NALF1: variants seen among roughly 807,000 people sequenced by gnomAD.
The protein encoded by NALF1 is family with sequence similarity 155 member A.
A neutral mutation model predicts 48.4 loss-of-function variants in NALF1; 3 were observed. That is an observed-to-expected ratio of 0.06 (90% CI 0.03 to 0.16). NALF1 has a LOEUF of 0.16. Among genes scored for constraint, NALF1 ranks in the 10% least tolerant of loss-of-function variants. NALF1 has a pLI of 1.00. For synonymous variants in NALF1, 262 were observed against 245.7 expected (o/e 1.07, Z -0.62); for missense variants, 526 against 571.5 (o/e 0.92, Z 0.81).
At chr13:107,380,774 C>G (rs910256639) in intron 1 of NALF1, among the ~76,000 whole-genome samples, 1 of 151,558 alleles carries the variant, frequency 6.6e-6, no homozygotes. Flanking sequence ...GTCAGGAGAT[C>G]GAGACCATCC....
intron 2 of NALF1, among the ~76,000 whole-genome samples, chr13:107,198,726 G>T (rs1379390644): frequency 1.3e-5 from 2 of 152,172 alleles, no homozygotes; most frequent in African/African-American, 4.8e-5. Flanking sequence ...CATTTCTGGG[G>T]CTAGATGTCC....
At chr13:107,316,940 C>A (rs1431771201) in intron 1 of NALF1, among the ~76,000 whole-genome samples, 1 of 151,902 alleles carries the variant, frequency 6.6e-6, no homozygotes, top group Non-Finnish European at 1.5e-5. Flanking sequence ...GCAATGAACA[C>A]AATAAGCAAT....
chr13:107,531,567 A>G (rs1213645237), intron 1 of NALF1, among the ~76,000 whole-genome samples: 1 of 152,162 alleles, frequency 6.6e-6, no homozygotes, highest in East Asian at 1.9e-4. Flanking sequence ...ATGGTCTAAT[A>G]TAATCAGTGA....
chr13:107,386,009 G>A lies in NALF1; in HGVS notation c.916-175254C>T, dbSNP rs761350301. Among the ~76,000 whole-genome samples, 35 of 152,138 alleles carry A rather than the reference G, an allele frequency of 2.3e-4. 1 individual carries two copies. The highest frequency in any genetic ancestry group is 3.9e-4 in the Admixed American group (6 of 15,260). On this transcript the variant is annotated intron_variant, in intron 1 of 2. Coordinates refer to ENST00000375915, the MANE Select transcript of NALF1 (RefSeq NM_001080396.3). Reference sequence around the variant, plus strand: ...CACAAGAAATCTTGAAATGGGTGAGGATACCTTAAGGTCTATAAAAACCAG... The same window carrying A: ...CACAAGAAATCTTGAAATGGGTGAGAATACCTTAAGGTCTATAAAAACCAG...
At chr13:107,739,517 A>G (rs1876569052) in intron 1 of NALF1, among the ~76,000 whole-genome samples, 1 of 151,542 alleles carries the variant, frequency 6.6e-6, no homozygotes, top group African/African-American at 2.4e-5. Flanking sequence ...TGTCTCACCT[A>G]CTGATATTGA....
At chr13:107,610,749 G>A (rs1189418441) in intron 1 of NALF1, among the ~76,000 whole-genome samples, 1 of 152,198 alleles carries the variant, frequency 6.6e-6, no homozygotes, top group Non-Finnish European at 1.5e-5. Context: ...GGGTTCATGA[G>A]CCTATGCGCA....
At chr13:107,380,628 T>C (rs1227778634) in intron 1 of NALF1, among the ~76,000 whole-genome samples, 1 of 152,082 alleles carries the variant, frequency 6.6e-6, no homozygotes, top group African/African-American at 2.4e-5. Flanking sequence ...CTAAAAATAT[T>C]CTATTTTGAA....
intron 1 of NALF1, among the ~76,000 whole-genome samples, chr13:107,560,311 G>C (rs1043374356): frequency 2.0e-5 from 3 of 151,954 alleles, no homozygotes; most frequent in Admixed American, 6.6e-5. Flanking sequence ...ATGGGACTAG[G>C]GGGGAATGTT....
chr13:107,286,199 A>T (rs1408571), intron 1 of NALF1, among the ~76,000 whole-genome samples: 1 of 151,998 alleles, frequency 6.6e-6, no homozygotes, highest in Non-Finnish European at 1.5e-5. Flanking sequence ...AGAAGTTTGA[A>T]AATTCCTGCA....
At chr13:107,312,036 T>G (rs543905146) in intron 1 of NALF1, among the ~76,000 whole-genome samples, 14 of 152,268 alleles carry the variant, frequency 9.2e-5, no homozygotes, top group South Asian at 2.1e-4. Context: ...GATCTAGAAC[T>G]AGAAATACCA....
intron 1 of NALF1, among the ~76,000 whole-genome samples, chr13:107,682,901 T>A (rs1439335502): frequency 6.6e-6 from 1 of 152,210 alleles, no homozygotes; most frequent in Non-Finnish European, 1.5e-5. Flanking sequence ...ATGTTTGTTT[T>A]AATTATAAAT....
chr13:107,578,212 T>A (rs985832405), intron 1 of NALF1, among the ~76,000 whole-genome samples: 10 of 152,216 alleles, frequency 6.6e-5, no homozygotes, highest in African/African-American at 2.4e-4. Flanking sequence ...CACCTTTTCT[T>A]TACAAATAAG....
chr13:107,299,476 A>AATAAATT (rs1193044497), intron 1 of NALF1, among the ~76,000 whole-genome samples: 41 of 134,814 alleles, frequency 3.0e-4, no homozygotes, highest in African/African-American at 1.0e-3. Context: ...AATAATAAAT[A>AATAAATT]AATAAATAAA....
At chr13:107,422,880 G>A (rs1413032750) in intron 1 of NALF1, among the ~76,000 whole-genome samples, 1 of 152,142 alleles carries the variant, frequency 6.6e-6, no homozygotes, top group Non-Finnish European at 1.5e-5. Flanking sequence ...TGCTGTTCCT[G>A]GCTGGGGCCA....
At chr13:107,536,974 A>G (rs1408337908) in intron 1 of NALF1, among the ~76,000 whole-genome samples, 2 of 152,118 alleles carry the variant, frequency 1.3e-5, no homozygotes, top group African/African-American at 4.8e-5. Context: ...GCAAACTATC[A>G]CAGGGACAAA....
intron 1 of NALF1, among the ~76,000 whole-genome samples, chr13:107,839,574 A>T (rs1879990690): frequency 6.6e-6 from 1 of 151,844 alleles, no homozygotes; most frequent in South Asian, 2.1e-4. Context: ...CTGTGAGGAA[A>T]TTAAAGGAGA....
chr13:107,684,539 G>A (rs866357033), intron 1 of NALF1, among the ~76,000 whole-genome samples: 5 of 152,120 alleles, frequency 3.3e-5, no homozygotes, highest in Admixed American at 2.0e-4. Context: ...GGAGGACTCT[G>A]GGGATAGAGT....
At chr13:107,841,351 C>A in intron 1 of NALF1, among the ~76,000 whole-genome samples, 1 of 152,010 alleles carries the variant, frequency 6.6e-6, no homozygotes, top group Non-Finnish European at 1.5e-5. Flanking sequence ...AAGGTACCAT[C>A]CTAAAAGGGA....
chr13:107,621,304 CA>C (rs1360492090), intron 1 of NALF1, among the ~76,000 whole-genome samples: 4 of 152,084 alleles, frequency 2.6e-5, no homozygotes, highest in Non-Finnish European at 5.9e-5. Context: ...AATATTACTT[CA>C]GAATGAAATA....
Sources: gnomAD v4.1 joint callset for allele counts (sites outside exome capture counted in the v4.1 genomes callset) on GRCh38, gnomAD v4.1.1 for gene constraint, MANE v1.5 for transcripts, NCBI Gene and HGNC (gene_info 2026-07-23, HGNC 2026-07-21) for gene names.